Variants in GON4L observed in about 807,000 individuals in gnomAD.
GON4L encodes the protein gon-4 like, also known as GON-4-like protein.
In GON4L, 87 loss-of-function variants were observed where a neutral mutation model predicts 211.8. The observed-to-expected ratio is 0.41, with a 90% confidence interval of 0.35 to 0.49. The LOEUF (loss-of-function observed/expected upper bound fraction) is 0.49. Ranked by LOEUF, GON4L falls within the 20% of genes least tolerant of loss-of-function variation. The pLI, the probability that GON4L is intolerant of heterozygous loss-of-function variation, is 0.15. For missense variants in GON4L, 2,155 were observed against 2,659.5 expected (o/e 0.81, Z 4.17); for synonymous variants, 875 against 962.6 (o/e 0.91, Z 1.68).
At chr1:155,790,949 A>T (rs906973963) in intron 12 of GON4L, among the ~76,000 whole-genome samples, 8 of 150,338 alleles carry the variant, frequency 5.3e-5, no homozygotes, top group Non-Finnish European at 1.0e-4. Flanking sequence ...TCTCAAAAAA[A>T]AACCAACAAA....
At position 155,804,440 on chromosome 1, in the gene GON4L, T is replaced by C. The variant is rs142625092; in HGVS notation, c.1645+509A>G. On this transcript the variant is annotated intron_variant, in intron 11 of 31. Transcript: ENST00000368331. ...TGTATGTTTCAAGGGATTCAAATCT[T>C]AGCATTCAACAATCTTAGGATTCAA... Among the ~76,000 whole-genome samples, 37 of 152,044 alleles carry C rather than the reference T, an allele frequency of 2.4e-4. No individual in the cohort carries two copies. The East Asian group carries it at 7.0e-3, about 29-fold the overall frequency.
chr1:155,808,330 C>T (rs1474231455), intron 10 of GON4L, among the ~76,000 whole-genome samples: 1 of 152,168 alleles, frequency 6.6e-6, no homozygotes, highest in Non-Finnish European at 1.5e-5. Flanking sequence ...TGAGCCACCA[C>T]ACTGGGCATC....
At chr1:155,835,039 G>A (rs1161779338) in intron 2 of GON4L, among the ~76,000 whole-genome samples, 3 of 152,218 alleles carry the variant, frequency 2.0e-5, no homozygotes, top group African/African-American at 7.2e-5. Flanking sequence ...ATACAAAGGG[G>A]GGAAAGGTGG....
chr1:155,792,730 T>C (rs1420136437), intron 12 of GON4L, among the ~76,000 whole-genome samples: 1 of 152,172 alleles, frequency 6.6e-6, no homozygotes, highest in Non-Finnish European at 1.5e-5. Context: ...TCTTTACTTG[T>C]TTCTTTACTG....
chr1:155,754,525 T>G (rs899944533), intron 27 of GON4L, 37 bp from the exon 28 acceptor site: 4 of 243,968 alleles, frequency 1.6e-5, no homozygotes, highest in South Asian at 1.4e-4. Context: ...TGCCAAGTTG[T>G]TTTTTTTTTT....
chr1:155,814,304 A>G (rs1413725524), intron 9 of GON4L, 26 bp downstream of exon 9: 1 of 1,602,100 alleles, frequency 6.2e-7, no homozygotes, highest in African/African-American at 1.3e-5. Context: ...TATGTCTAAC[A>G]TCTCTTTTGT....
rs188886221 is a variant in GON4L, at chr1:155,819,432, T to C, written c.1014+1174A>G. Among the ~76,000 whole-genome samples the C allele has an allele frequency of 3.0e-3, 452 of 152,298 alleles. 3 individuals carry two copies. Among genetic ancestry groups the C allele is most frequent in the African/African-American group, 0.011 (438 of 41,562 alleles). On this transcript the variant is annotated intron_variant, in intron 6 of 31. Transcript: ENST00000368331. ...ACCAATTCCTTTTCTTGCTTTTTTT[T>C]CTAGACAAGGTCTCGGTCTCATTAC...
chr1:155,757,315 T>A lies in GON4L; in HGVS notation c.5262A>T (p.Thr1754=). Reference sequence around the variant, plus strand: ...GGCCCTTGAGGAGCTGCCACATCTGTGTCTTGAGCTGAGGAGAGTCACAGA... The same window carrying A: ...GGCCCTTGAGGAGCTGCCACATCTGAGTCTTGAGCTGAGGAGAGTCACAGA... ...CLPQEITELK[T]QMWQLLKGHD... Residue 1754 remains threonine, a synonymous_variant, in exon 26 of 32, where the codon ACA becomes ACT. Coordinates refer to ENST00000368331, the MANE Select transcript of GON4L (RefSeq NM_001282860.2). 1 of 1,613,602 alleles carries A rather than the reference T, an allele frequency of 6.2e-7. No individual in the cohort carries two copies. The highest frequency in any genetic ancestry group is 8.5e-7 in the Non-Finnish European group (1 of 1,179,824).
chr1:155,821,556 A>G lies in GON4L; in HGVS notation c.889-8T>C, dbSNP rs1385638680. The G allele has an allele frequency of 1.9e-6, 3 of 1,570,542 alleles. No homozygotes were observed. The highest frequency in any genetic ancestry group is 2.6e-6 in the Non-Finnish European group (3 of 1,140,908). ...TTCATTTGTGATTACTTCCTGGAGA[A>G]AGATGAAATTTCACTTTATGCAACA... On this transcript the variant is annotated splice_region_variant and splice_polypyrimidine_tract_variant and intron_variant, in intron 4 of 31. Transcript: ENST00000368331.
intron 3 of GON4L, 49 bp downstream of exon 3, chr1:155,826,788 T>G (rs927707409): frequency 1.1e-5 from 13 of 1,226,480 alleles, no homozygotes; most frequent in Non-Finnish European, 1.4e-5. Context: ...CTACATATTA[T>G]ACTTCAATAA....
At chr1:155,796,542 T>C (rs1386069087) in intron 11 of GON4L, among the ~76,000 whole-genome samples, 3 of 152,168 alleles carry the variant, frequency 2.0e-5, no homozygotes, top group Admixed American at 6.6e-5. Context: ...CCTCCGAAAG[T>C]GCTAGGATTA....
intron 11 of GON4L, among the ~76,000 whole-genome samples, chr1:155,802,118 T>C (rs1031312285): frequency 6.6e-6 from 1 of 152,146 alleles, no homozygotes; most frequent in African/African-American, 2.4e-5. Flanking sequence ...TAACTACACA[T>C]TGAAAACTCT....
Position 155,762,116 on chromosome 1 carries a change from T to C in GON4L, c.4911+74A>G. The C allele has an allele frequency of 4.9e-6, 6 of 1,219,762 alleles. No individual in the cohort carries two copies. The South Asian group carries it at 5.2e-5, about 11-fold the overall frequency. 75.6% of individuals were successfully genotyped at this position (1,219,762 alleles called of 1,614,324 possible). A position where few individuals can be genotyped will look rare whatever the true frequency, so the allele number is the denominator to read the frequency against. On this transcript the variant is annotated intron_variant, in intron 23 of 31. Transcript: ENST00000368331. ...CATAGCCTGAAAAACAGACTTTATG[T>C]TGAAAAACATCTCCCTTGAAGAAGC... is the stretch of plus-strand genomic sequence containing the variant.
chr1:155,754,693 C>G (rs1199688098), intron 27 of GON4L, among the ~76,000 whole-genome samples: 1 of 151,602 alleles, frequency 6.6e-6, no homozygotes, highest in Non-Finnish European at 1.5e-5. Context: ...CCACACCCAG[C>G]TAATTTTTGT....
chr1:155,766,146 C>G lies in GON4L; in HGVS notation c.3327G>C (p.Lys1109Asn). 6.2e-7 allele frequency: 1 copy of G among 1,614,092 alleles called. No individual in the cohort carries two copies. The highest frequency in any genetic ancestry group is 8.5e-7 in the Non-Finnish European group (1 of 1,180,020). The change falls in exon 21 of 32, where the codon AAG becomes AAC. Residue 1109 changes from lysine (K) to asparagine (N), a missense_variant. Physicochemically the swap from Lys to Asn is moderately conservative, Grantham distance 94. Around this residue, in one of 6 missense-constraint regions of GON4L, gnomAD observed 615 missense variants for 625.7 expected, o/e 0.98. Transcript: ENST00000368331. ...KVMLPSLAPS[K>N]FRKPYVRRRP... ...TCCGTCTCACATATGGCTTTCGAAA[C>G]TTAGAAGGGGCAAGGGAGGGCAGCA... is the stretch of plus-strand genomic sequence containing the variant.
At chr1:155,772,467 A>T (rs757276849) in intron 18 of GON4L, among the ~76,000 whole-genome samples, 1 of 151,898 alleles carries the variant, frequency 6.6e-6, no homozygotes, top group African/African-American at 2.4e-5. Context: ...AAATGTTCAT[A>T]ATCTGGTGGG....
Position 155,775,191 on chromosome 1 carries a change from A to G in GON4L, c.2179-18T>C, listed in dbSNP as rs770772309. 7 of 1,614,076 alleles carry G rather than the reference A, an allele frequency of 4.3e-6. No individual in the cohort carries two copies. The African/African-American group carries it at 8.0e-5, about 18-fold the overall frequency. Reference sequence around the variant, plus strand: ...AGCTCTTTCTGGGAAAACAGGACACAAGAAAGATTTAAGACAATTCCAGAC... The same window carrying G: ...AGCTCTTTCTGGGAAAACAGGACACGAGAAAGATTTAAGACAATTCCAGAC... On this transcript the variant is annotated intron_variant, in intron 16 of 31. Transcript: ENST00000368331.
intron 2 of GON4L, among the ~76,000 whole-genome samples, chr1:155,827,253 T>G (rs1276499034): frequency 3.3e-5 from 5 of 152,228 alleles, no homozygotes; most frequent in African/African-American, 1.2e-4. Context: ...ATTTCTAATA[T>G]GCTTTCAGTT....
At chr1:155,756,708 T>C in intron 27 of GON4L, 2 of 413,316 alleles carry the variant, frequency 4.8e-6, no homozygotes, top group Admixed American at 7.3e-5. Flanking sequence ...GTGGATCACT[T>C]GAGGTAAGGA....
Sources: gnomAD v4.1 joint callset for allele counts (sites outside exome capture counted in the v4.1 genomes callset) on GRCh38, gnomAD v4.1.1 for gene constraint, gnomAD v4.1.1 regional missense constraint, MANE v1.5 for transcripts, NCBI Gene and HGNC (gene_info 2026-07-23, HGNC 2026-07-21) for gene names.